PLSCR2: variants seen among roughly 807,000 people sequenced by gnomAD.
PLSCR2 encodes the protein PL scramblase 2.
A neutral mutation model predicts 25.3 loss-of-function variants in PLSCR2; 18 were observed. The observed-to-expected ratio is 0.71, with a 90% CI of 0.49 to 1.06. The LOEUF (loss-of-function observed/expected upper bound fraction) is 1.06. PLSCR2 is among the 50% of genes least tolerant of loss of function. The pLI, the probability that PLSCR2 is intolerant of heterozygous loss-of-function variation, is 0.00. For missense variants in PLSCR2, 243 were observed against 269.5 expected (o/e 0.90, Z 0.69); for synonymous variants, 88 against 87.3 (o/e 1.01, Z -0.04).
At chr3:146,421,605 C>T (rs2039154536) in intron 2 of PLSCR2, among the ~76,000 whole-genome samples, 1 of 152,082 alleles carries the variant, frequency 6.6e-6, no homozygotes, top group Admixed American at 6.6e-5. Flanking sequence ...CCACAACCCA[C>T]TGTCTCTCAA....
chr3:146,488,780 C>T (rs922723070), intron 1 of PLSCR2, among the ~76,000 whole-genome samples: 15 of 151,950 alleles, frequency 9.9e-5, no homozygotes, highest in African/African-American at 3.4e-4. Flanking sequence ...GGATCTGGAA[C>T]CAGAAATACC....
intron 4 of PLSCR2, 107 bp downstream of exon 4, chr3:146,455,132 C>T (rs902981599): frequency 4.1e-6 from 3 of 731,276 alleles, no homozygotes; most frequent in Non-Finnish European, 7.0e-6. Context: ...ACATATAGCT[C>T]ATGGAGCCAT....
intron 3 of PLSCR2, 140 bp downstream of exon 3, chr3:146,458,271 T>C (rs755511941): frequency 1.4e-5 from 10 of 691,672 alleles, no homozygotes; most frequent in Non-Finnish European, 2.2e-5. Context: ...GATTTCATTA[T>C]TGTAAAGACA....
intron 1 of PLSCR2, among the ~76,000 whole-genome samples, chr3:146,474,985 C>T (rs1158655741): frequency 6.6e-6 from 1 of 151,822 alleles, no homozygotes; most frequent in Admixed American, 6.6e-5. Flanking sequence ...TTTTCAGCTC[C>T]ATCAGGTGGT....
intron 2 of PLSCR2, among the ~76,000 whole-genome samples, chr3:146,422,981 G>A (rs960463175): frequency 6.6e-6 from 1 of 151,808 alleles, no homozygotes; most frequent in Non-Finnish European, 1.5e-5. Flanking sequence ...ATAAATCAGA[G>A]GTCTATATTT....
At chr3:146,472,269 G>T (rs573225696) in intron 1 of PLSCR2, among the ~76,000 whole-genome samples, 2 of 152,222 alleles carry the variant, frequency 1.3e-5, no homozygotes, top group Non-Finnish European at 1.5e-5. Context: ...ATTCTAATTG[G>T]CTGTGTCAGT....
At chr3:146,396,431 G>A (rs1559966051) in intron 2 of PLSCR2, among the ~76,000 whole-genome samples, 2 of 151,988 alleles carry the variant, frequency 1.3e-5, no homozygotes, top group Non-Finnish European at 2.9e-5. Context: ...CAACAAACCT[G>A]GGATGAATCA....
rs186777822 is a variant in PLSCR2 at position 146,420,489 on chromosome 3, C to T, written c.101-24568G>A. Among the ~76,000 whole-genome samples the T allele has an allele frequency of 7.9e-5, 12 of 151,824 alleles. No individual in the cohort carries two copies. The South Asian group carries it at 2.3e-3, about 29-fold the overall frequency. On this transcript the variant is annotated intron_variant and NMD_transcript_variant, in intron 2 of 3. Transcript: ENST00000463633. ...TGTGTTTTTAATGTTTGCTAAGTAA[C>T]GCTGTGTTGATTTTTTTAACACTTG... is the stretch of plus-strand genomic sequence containing the variant.
chr3:146,449,477 T>C, intron 5 of PLSCR2, 110 bp from the exon 6 acceptor site: 1 of 651,760 alleles, frequency 1.5e-6, no homozygotes, highest in Non-Finnish European at 2.6e-6. Flanking sequence ...TTATGCACCA[T>C]ACATGAGTAT....
intron 3 of PLSCR2, among the ~76,000 whole-genome samples, chr3:146,457,218 C>G (rs1038784853): frequency 5.3e-5 from 8 of 152,180 alleles, no homozygotes; most frequent in African/African-American, 1.9e-4. Flanking sequence ...GTTAAAGAAA[C>G]TGCAGTATGC....
intron 6 of PLSCR2, among the ~76,000 whole-genome samples, chr3:146,446,881 C>T (rs1391470925): frequency 6.6e-6 from 1 of 152,138 alleles, no homozygotes; most frequent in Non-Finnish European, 1.5e-5. Context: ...AAAAAATCTT[C>T]CCATGCTTTT....
chr3:146,458,285 A>C, intron 3 of PLSCR2, 126 bp downstream of exon 3: 1 of 751,498 alleles, frequency 1.3e-6, no homozygotes, highest in Non-Finnish European at 2.0e-6. Context: ...AAAGACAGAC[A>C]TTCGTAAATA....
chr3:146,424,600 T>C (rs957914969), intron 2 of PLSCR2, among the ~76,000 whole-genome samples: 2 of 152,132 alleles, frequency 1.3e-5, no homozygotes, highest in African/African-American at 4.8e-5. Flanking sequence ...GCTGTTTTGC[T>C]TTTTATAGTT....
At position 146,458,563 on chromosome 3, in the gene PLSCR2, A is replaced by T. The variant is rs184827665; in HGVS notation, c.58-110T>A. 2.8e-5 allele frequency: 20 copies of T among 713,988 alleles called. No homozygotes were observed. The East Asian group carries it at 7.3e-4, about 26-fold the overall frequency. The allele number at this position is 713,988 out of a possible 1,614,324, so 44.2% of individuals were successfully genotyped here. A position where few individuals can be genotyped will look rare whatever the true frequency, so the allele number is the denominator to read the frequency against. ...ATATAATCAGTTATCGACATTTATC[A>T]ATATCAAATTTTAATAAGTTTGCTA... is the stretch of plus-strand genomic sequence containing the variant. On this transcript the variant is annotated intron_variant, in intron 2 of 6. Coordinates refer to ENST00000610787, the Ensembl canonical transcript of PLSCR2.
At chr3:146,493,070 AT>A (rs770736990) in intron 1 of PLSCR2, among the ~76,000 whole-genome samples, 3 of 152,130 alleles carry the variant, frequency 2.0e-5, no homozygotes, top group Non-Finnish European at 2.9e-5. Context: ...AAATAAATAA[AT>A]TTCTGGAAAT....
intron 1 of PLSCR2, among the ~76,000 whole-genome samples, chr3:146,483,472 T>TAC (rs57886630): frequency 2.0e-5 from 1 of 48,902 alleles, no homozygotes; most frequent in Non-Finnish European, 4.0e-5. Flanking sequence ...TATATATATA[T>TAC]ACATGTGTAT....
At chr3:146,493,709 A>G (rs2043636004) in intron 1 of PLSCR2, among the ~76,000 whole-genome samples, 1 of 141,902 alleles carries the variant, frequency 7.0e-6, no homozygotes, top group South Asian at 2.3e-4. Context: ...ATTAGGCAAT[A>G]TTCTGTTTAT....
chr3:146,440,702 C>A (rs1466498647), downstream of PLSCR2, among the ~76,000 whole-genome samples: 4 of 152,114 alleles, frequency 2.6e-5, no homozygotes, highest in Non-Finnish European at 5.9e-5. Context: ...CTTGGAACCT[C>A]CTCCTTAAAG....
chr3:146,486,849 A>G (rs1422180436), intron 1 of PLSCR2, among the ~76,000 whole-genome samples: 1 of 152,146 alleles, frequency 6.6e-6, no homozygotes, highest in Admixed American at 6.6e-5. Context: ...AAAACTTGGC[A>G]GAGATACAAC....
Sources: gnomAD v4.1 joint callset for allele counts (sites outside exome capture counted in the v4.1 genomes callset) on GRCh38, gnomAD v4.1.1 for gene constraint, MANE v1.5 for transcripts, NCBI Gene and HGNC (gene_info 2026-07-23, HGNC 2026-07-21) for gene names.